The following SPATA6 variants were observed in gnomAD, a reference collection of about 807,000 sequenced individuals.
The protein encoded by SPATA6 is spermatogenesis-associated protein 6.
SPATA6 carries 56 observed loss-of-function variants against 65.3 expected under a neutral mutation model. That is an observed-to-expected ratio of 0.86 (90% CI 0.69 to 1.07). The LOEUF is 1.07. Ranked by LOEUF, SPATA6 falls within the 50% of genes least tolerant of loss-of-function variation. SPATA6 has a pLI of 0.00. For missense variants in SPATA6, 590 were observed against 594.8 expected, an observed-to-expected ratio of 0.99 and a Z score of 0.08; for synonymous variants, 199 against 213.2, an observed-to-expected ratio of 0.93 and a Z score of 0.58.
chr1:48,315,333 T>G (rs1370752065), intron 11 of SPATA6, among the ~76,000 whole-genome samples: 1 of 152,110 alleles, frequency 6.6e-6, no homozygotes, highest in African/African-American at 2.4e-5. Context: ...CATCAAAAAC[T>G]TATCCATCAT....
chr1:48,284,262 T>A, the SPATA6 span, among the ~76,000 whole-genome samples: 1 of 152,228 alleles, frequency 6.6e-6, no homozygotes, highest in Non-Finnish European at 1.5e-5. Context: ...TCTCATGCTG[T>A]GTTTTTCAAC....
At chr1:48,419,160 T>C (rs1653085570) in intron 3 of SPATA6, among the ~76,000 whole-genome samples, 1 of 152,182 alleles carries the variant, frequency 6.6e-6, no homozygotes, top group South Asian at 2.1e-4. Flanking sequence ...ACTAAGCTTC[T>C]ATTAGCTTCA....
rs1185564726 is a variant in SPATA6 at position 48,298,618 on chromosome 1, AT to A, written c.*94del. ...AACTATTGTACTTAGTTATAATCCCATTTTTTTTAAAAAAAGGAATACAGAT... is the reference window on the plus strand; with the variant it reads ...AACTATTGTACTTAGTTATAATCCCATTTTTTTAAAAAAAGGAATACAGAT... On this transcript the variant is annotated 3_prime_UTR_variant, in exon 13 of 13. Transcript: ENST00000371847. 7.7e-5 allele frequency: 96 copies of A among 1,249,630 alleles called. No individual in the cohort carries two copies. The highest frequency in any genetic ancestry group is 1.4e-4 in the South Asian group (8 of 57,460). The allele number at this position is 1,249,630 out of a possible 1,614,324, so 77.4% of individuals were successfully genotyped here.
intron 6 of SPATA6, 21 bp downstream of exon 6, chr1:48,403,781 C>T: frequency 1.3e-6 from 2 of 1,568,286 alleles, no homozygotes; most frequent in Non-Finnish European, 1.7e-6. Context: ...CCATTAAATA[C>T]TTTATACAAA....
At chr1:48,301,851 A>T (rs992163785) in intron 12 of SPATA6, among the ~76,000 whole-genome samples, 2 of 152,166 alleles carry the variant, frequency 1.3e-5, no homozygotes, top group Non-Finnish European at 2.9e-5. Flanking sequence ...AATAATGCCT[A>T]TATCTCACCA....
At chr1:48,410,683 C>G (rs936266441) in intron 5 of SPATA6, among the ~76,000 whole-genome samples, 1 of 152,202 alleles carries the variant, frequency 6.6e-6, no homozygotes, top group African/African-American at 2.4e-5. Flanking sequence ...AATCATCTTA[C>G]ATGGCAGCAG....
At chr1:48,412,847 G>A (rs1421585312) in intron 4 of SPATA6, among the ~76,000 whole-genome samples, 1 of 151,992 alleles carries the variant, frequency 6.6e-6, no homozygotes, top group African/African-American at 2.4e-5. Flanking sequence ...TTGAACTCCT[G>A]ACCTCAGGTG....
chr1:48,397,204 A>G (rs1650680708), intron 7 of SPATA6, among the ~76,000 whole-genome samples: 1 of 151,690 alleles, frequency 6.6e-6, no homozygotes, highest in South Asian at 2.1e-4. Flanking sequence ...GACTATGGGA[A>G]GGAAGGAATG....
chr1:48,440,079 C>G (rs185382588), intron 3 of SPATA6, among the ~76,000 whole-genome samples: 7 of 152,184 alleles, frequency 4.6e-5, no homozygotes, highest in Admixed American at 3.9e-4. Flanking sequence ...CTCCCCATAG[C>G]TCCCCTTCCT....
At position 48,411,445 on chromosome 1, in the gene SPATA6, G is replaced by T; in HGVS notation, c.405+19C>A. ...TGATTTTCCATCAAAAACTGATTCAGAAAATTGCAAGCACTTACTCGAAGG... is the reference window on the plus strand; with the variant it reads ...TGATTTTCCATCAAAAACTGATTCATAAAATTGCAAGCACTTACTCGAAGG... On this transcript the variant is annotated intron_variant, in intron 5 of 12. Coordinates refer to ENST00000371847, the MANE Select transcript of SPATA6 (RefSeq NM_019073.4). The T allele has an allele frequency of 6.3e-7, 1 of 1,595,140 alleles. No individual in the cohort carries two copies. The highest frequency in any genetic ancestry group is 2.3e-5 in the East Asian group (1 of 44,258).
chr1:48,391,865 G>T (rs1481495488), intron 8 of SPATA6, among the ~76,000 whole-genome samples: 1 of 151,968 alleles, frequency 6.6e-6, no homozygotes, highest in African/African-American at 2.4e-5. Context: ...AAAGAAACTT[G>T]AGATGGACAT....
intron 11 of SPATA6, among the ~76,000 whole-genome samples, chr1:48,348,908 G>A (rs1015612763): frequency 5.9e-5 from 9 of 151,838 alleles, no homozygotes; most frequent in Non-Finnish European, 7.4e-5. Context: ...GAAATCTACT[G>A]TCTTTATCTA....
At position 48,366,006 on chromosome 1, in the gene SPATA6, G is replaced by A. The variant is rs183349681; in HGVS notation, c.910-6236C>T. Among the ~76,000 whole-genome samples the A allele has an allele frequency of 8.7e-4, 132 of 152,236 alleles. 1 individual carries two copies. The highest frequency in any genetic ancestry group is 2.9e-3 in the African/African-American group (120 of 41,538). On this transcript the variant is annotated intron_variant, in intron 9 of 12. Transcript: ENST00000371847. ...CTATTGAGACTTTTTAGCATGAAGC[G>A]TTGTTGAATTTTATCAAAGTCTTTT...
chr1:48,360,665 T>C (rs1214233250), intron 9 of SPATA6, among the ~76,000 whole-genome samples: 2 of 152,200 alleles, frequency 1.3e-5, no homozygotes, highest in African/African-American at 4.8e-5. Flanking sequence ...GAGAAAAATA[T>C]GTCCTGACTT....
the SPATA6 span, among the ~76,000 whole-genome samples, chr1:48,263,867 C>T: frequency 6.6e-6 from 1 of 152,136 alleles, no homozygotes; most frequent in African/African-American, 2.4e-5. Flanking sequence ...CACTCTGTTG[C>T]CCAGGCTGGA....
chr1:48,387,546 C>A (rs886162832), intron 8 of SPATA6, among the ~76,000 whole-genome samples: 1 of 152,198 alleles, frequency 6.6e-6, no homozygotes, highest in East Asian at 1.9e-4. Context: ...ATACTACCTT[C>A]CACAATCCAA....
intron 3 of SPATA6, among the ~76,000 whole-genome samples, chr1:48,424,402 G>A (rs1191509832): frequency 2.0e-5 from 3 of 152,158 alleles, no homozygotes; most frequent in Non-Finnish European, 2.9e-5. Flanking sequence ...GTTGATGGAC[G>A]CTAAGTCCAA....
chr1:48,424,179 C>A (rs928522143), intron 3 of SPATA6, among the ~76,000 whole-genome samples: 2 of 152,118 alleles, frequency 1.3e-5, no homozygotes, highest in African/African-American at 4.8e-5. Context: ...GGGAGCCATC[C>A]TTCTACTCTT....
intron 11 of SPATA6, among the ~76,000 whole-genome samples, chr1:48,315,692 C>G (rs989181570): frequency 2.0e-5 from 3 of 152,068 alleles, no homozygotes; most frequent in Non-Finnish European, 2.9e-5. Flanking sequence ...CTGGCCACGG[C>G]AATGAGGCAG....
Sources: allele counts gnomAD v4.1 joint callset (sites outside exome capture counted in the v4.1 genomes callset), GRCh38; gene constraint gnomAD v4.1.1; transcripts MANE v1.5; gene names NCBI Gene and HGNC (gene_info 2026-07-23, HGNC 2026-07-21).